The following PER3 variants were observed in gnomAD, a reference collection of about 807,000 sequenced individuals.
PER3 encodes the protein period circadian protein homolog 3.
In PER3, 107 loss-of-function variants were observed where a neutral mutation model predicts 127.2. The observed-to-expected ratio is 0.84, with a 90% CI of 0.72 to 0.99. The LOEUF is 0.99. PER3 is among the 50% of genes least tolerant of loss of function. The pLI is 0.00. For missense variants in PER3, 1,560 were observed against 1,525.8 expected (o/e 1.02, Z -0.37); for synonymous variants, 618 against 585.8 (o/e 1.05, Z -0.79).
chr1:7,820,562 G>A lies in PER3; in HGVS notation c.1879G>A (p.Ala627Thr). Residue 627 changes from alanine to threonine, a missense_variant, in exon 16 of 22, where the codon GCG (alanine) becomes ACG (threonine). By Grantham distance (58) the Ala-to-Thr change is moderately conservative (BLOSUM62 0). Around this residue, in one of 3 missense-constraint regions of PER3, gnomAD observed 1,332 missense variants for 1,223.6 expected, o/e 1.09. Coordinates refer to ENST00000377532, the MANE Select transcript of PER3 (RefSeq NM_001377275.1). ...GGGAPQILST[A>T]MLSLGSGISQ... is the part of the protein sequence containing the mutation. ...AGGAGCTCCACAGATCCTGTCCACG[G>A]CGATGCTGAGCTTGGGGTCGGGCAT... 6.2e-7 allele frequency: 1 copy of A among 1,614,126 alleles called. No individual in the cohort carries two copies. The highest frequency in any genetic ancestry group is 1.6e-4 in the Middle Eastern group (1 of 6,062).
Position 7,835,848 on chromosome 1 carries a change from A to G in PER3, c.3301A>G (p.Lys1101Glu), listed in dbSNP as rs1487902443. The change falls in exon 20 of 22, where the codon AAA (lysine) becomes GAA (glutamate). Residue 1101 changes from lysine to glutamate, a missense_variant. Transcript: ENST00000377532. ...QNGQQSQDVQ[K>E]KETFPNVAEE... is the part of the protein sequence containing the mutation. Reference sequence around the variant, plus strand: ...TGGGCAGCAATCTCAGGACGTACAGAAAAAAGAAACATTTCCTAATGTCGC... The same window carrying G: ...TGGGCAGCAATCTCAGGACGTACAGGAAAAAGAAACATTTCCTAATGTCGC... 2 of 1,612,396 alleles carry G rather than the reference A, an allele frequency of 1.2e-6. No homozygotes were observed.
chr1:7,844,029 A>T lies in PER3; in HGVS notation c.*1274A>T. ...TCTTTATATAACTTGCAACAAACTA[A>T]TTTATTTTTTTTTCCTTTTTTTGTT... On this transcript the variant is annotated 3_prime_UTR_variant, in exon 22 of 22. Transcript: ENST00000377532. 9.4e-7 allele frequency: 1 copy of T among 1,061,152 alleles called. No homozygotes were observed. The highest frequency in any genetic ancestry group is 1.2e-6 in the Non-Finnish European group (1 of 844,420). 65.7% of individuals were successfully genotyped at this position (1,061,152 alleles called of 1,614,324 possible). A position where few individuals can be genotyped will look rare whatever the true frequency, so the allele number is the denominator to read the frequency against.
chr1:7,835,972 T>C, intron 20 of PER3, 27 bp downstream of exon 20: 1 of 1,441,982 alleles, frequency 6.9e-7, no homozygotes, highest in Non-Finnish European at 9.5e-7. Flanking sequence ...GAAAACCCAC[T>C]TTTTATATTT....
chr1:7,791,932 C>G (rs2097123645), intron 5 of PER3, among the ~76,000 whole-genome samples: 4 of 152,210 alleles, frequency 2.6e-5, no homozygotes, highest in Admixed American at 6.5e-5. Flanking sequence ...CAACAAGTCT[C>G]TAGGAAGTTC....
intron 10 of PER3, among the ~76,000 whole-genome samples, chr1:7,807,807 C>G (rs755050597): frequency 4.6e-5 from 7 of 152,250 alleles, no homozygotes; most frequent in Admixed American, 3.3e-4. Flanking sequence ...CTGGTCCCTT[C>G]GTGAACACCT....
At chr1:7,809,066 A>C (rs1228553249) in intron 11 of PER3, 68 bp downstream of exon 11, 2 of 755,830 alleles carry the variant, frequency 2.6e-6, no homozygotes, top group Middle Eastern at 3.6e-4. Context: ...CAGTAAATTC[A>C]CTTCACAAAA....
chr1:7,806,526 G>A (rs908670724), intron 10 of PER3, among the ~76,000 whole-genome samples: 27 of 151,968 alleles, frequency 1.8e-4, no homozygotes, highest in African/African-American at 6.0e-4. Flanking sequence ...AGTGTCTTAC[G>A]CTTATAATCC....
chr1:7,803,552 C>T, intron 9 of PER3, 140 bp from the exon 10 acceptor site: 1 of 608,212 alleles, frequency 1.6e-6, no homozygotes, highest in Non-Finnish European at 2.9e-6. Flanking sequence ...CATGCCACTG[C>T]ACTCCAGCCT....
At chr1:7,799,326 C>T (rs992213281) in intron 7 of PER3, among the ~76,000 whole-genome samples, 6 of 152,060 alleles carry the variant, frequency 3.9e-5, no homozygotes, top group East Asian at 1.9e-4. Flanking sequence ...ATAATCGTGC[C>T]GGGTGCAGTG....
intron 3 of PER3, among the ~76,000 whole-genome samples, chr1:7,786,159 A>G (rs1254340443): frequency 2.0e-5 from 3 of 152,142 alleles, no homozygotes; most frequent in East Asian, 1.9e-4. Flanking sequence ...GGAGGCTGAG[A>G]CAGGAGAACG....
At chr1:7,797,731 A>T (rs114110711) in intron 6 of PER3, among the ~76,000 whole-genome samples, 41 of 152,260 alleles carry the variant, frequency 2.7e-4, no homozygotes, top group African/African-American at 9.4e-4. Flanking sequence ...ATTGGTAGTC[A>T]CACCTTTACG....
intron 19 of PER3, among the ~76,000 whole-genome samples, chr1:7,833,775 C>T (rs1360707959): frequency 6.6e-6 from 1 of 152,124 alleles, no homozygotes; most frequent in Non-Finnish European, 1.5e-5. Context: ...TTAAATCTTT[C>T]ATCTTGCTAC....
rs772303795 is a variant in PER3, at chr1:7,827,646, C to A, written c.2717C>A (p.Thr906Asn). The change falls in exon 18 of 22, where the codon ACC (threonine) becomes AAC (asparagine). Residue 906 changes from threonine (T) to asparagine (N), a missense_variant. Around this residue, in one of 3 missense-constraint regions of PER3, gnomAD observed 1,332 missense variants for 1,223.6 expected, o/e 1.09. Transcript: ENST00000377532. ...SPTLDPPPSVTSQRREEEKWE... is the reference protein window; with the variant it reads ...SPTLDPPPSVNSQRREEEKWE... ...ACTCTGGACCCACCCCCTTCAGTCA[C>A]CAGCCAAAGGAGAGAGGAGGAAAAG... is the stretch of plus-strand genomic sequence containing the variant. The A allele has an allele frequency of 6.2e-7, 1 of 1,614,164 alleles. No homozygotes were observed. The highest frequency in any genetic ancestry group is 1.7e-5 in the Admixed American group (1 of 60,030).
intron 5 of PER3, among the ~76,000 whole-genome samples, chr1:7,789,535 G>A (rs1486467855): frequency 6.6e-6 from 1 of 152,158 alleles, no homozygotes; most frequent in Non-Finnish European, 1.5e-5. Context: ...CTGTAAGTCC[G>A]TTAAACCTCT....
chr1:7,796,463 C>T (rs2097146024), intron 6 of PER3, among the ~76,000 whole-genome samples: 1 of 151,776 alleles, frequency 6.6e-6, no homozygotes, highest in Non-Finnish European at 1.5e-5. Flanking sequence ...GGACTACAGG[C>T]ATGCACCGCC....
chr1:7,817,220 G>T (rs1197075481), intron 13 of PER3, among the ~76,000 whole-genome samples: 1 of 152,148 alleles, frequency 6.6e-6, no homozygotes, highest in Non-Finnish European at 1.5e-5. Flanking sequence ...TGTTCTTTTG[G>T]TTACTGTGGT....
chr1:7,835,519 GGTGAT>G (rs2097353775), intron 19 of PER3, among the ~76,000 whole-genome samples: 1 of 152,148 alleles, frequency 6.6e-6, no homozygotes, highest in South Asian at 2.1e-4. Flanking sequence ...AGCGGTTATG[GGTGAT>G]GATAAAGGAC....
At chr1:7,787,992 A>T in intron 4 of PER3, 53 bp from the exon 5 acceptor site, 1 of 1,292,214 alleles carries the variant, frequency 7.7e-7, no homozygotes. Flanking sequence ...CTTTCAGGGA[A>T]TATTGCTAGT....
chr1:7,809,006 G>C lies in PER3; in HGVS notation c.1242+8G>C. ...TACAAACTTCTCTTACAGGTAAGGT[G>C]AGATTGTTAAAAATGCAAAGTTCCC... On this transcript the variant is annotated splice_region_variant and intron_variant, in intron 11 of 21. Transcript: ENST00000377532. 1 of 1,345,058 alleles carries C rather than the reference G, an allele frequency of 7.4e-7. No individual in the cohort carries two copies. Among genetic ancestry groups the C allele is most frequent in the Non-Finnish European group, 1.1e-6 (1 of 945,032 alleles). The allele number at this position is 1,345,058 out of a possible 1,614,324, so 83.3% of individuals were successfully genotyped here.
Sources: allele counts gnomAD v4.1 joint callset (sites outside exome capture counted in the v4.1 genomes callset), GRCh38; gene constraint gnomAD v4.1.1; regional missense constraint gnomAD v4.1.1; transcripts MANE v1.5; gene names NCBI Gene and HGNC (gene_info 2026-07-23, HGNC 2026-07-21).